Variants in USH2A observed in about 807,000 individuals in gnomAD.
USH2A encodes Usher syndrome 2A (autosomal recessive, mild).
In USH2A, 443 loss-of-function variants were observed where a neutral mutation model predicts 538.9. That is an observed-to-expected ratio of 0.82 (90% CI 0.76 to 0.89). The LOEUF is 0.89. Ranked by LOEUF, USH2A falls within the 40% of genes least tolerant of loss-of-function variation. The pLI is 0.00. For missense variants in USH2A, 6,633 were observed against 6,324.8 expected, an observed-to-expected ratio of 1.05 and a Z score of -1.65; for synonymous variants, 2,413 against 2,273.5, an observed-to-expected ratio of 1.06 and a Z score of -1.75.
At chr1:216,134,501 T>G (rs2033441069) in intron 21 of USH2A, among the ~76,000 whole-genome samples, 2 of 152,078 alleles carry the variant, frequency 1.3e-5, no homozygotes, top group African/African-American at 4.8e-5. Flanking sequence ...ATTAGTTTAA[T>G]CAAACAACTT....
chr1:215,902,547 A>C (rs971654793), intron 38 of USH2A, among the ~76,000 whole-genome samples: 6 of 152,170 alleles, frequency 3.9e-5, no homozygotes, highest in African/African-American at 1.4e-4. Context: ...AAACAAATGA[A>C]TACTGTGTAT....
chr1:216,387,520 T>TG (rs976769534), intron 3 of USH2A, among the ~76,000 whole-genome samples: 1 of 152,230 alleles, frequency 6.6e-6, no homozygotes, highest in African/African-American at 2.4e-5. Flanking sequence ...CTTCAGATGC[T>TG]GAACGTTTTG....
intron 60 of USH2A, among the ~76,000 whole-genome samples, chr1:215,740,381 C>A (rs1660267921): frequency 6.6e-6 from 1 of 152,132 alleles, no homozygotes; most frequent in African/African-American, 2.4e-5. Flanking sequence ...CTCTCTCAAT[C>A]TCTCTTTGTC....
At chr1:216,001,666 CATT>C (rs2102484169) in intron 32 of USH2A, among the ~76,000 whole-genome samples, 1 of 152,198 alleles carries the variant, frequency 6.6e-6, no homozygotes, top group East Asian at 1.9e-4. Context: ...TCTTAAATCT[CATT>C]AACCATGAGC....
intron 64 of USH2A, among the ~76,000 whole-genome samples, chr1:215,656,641 C>T (rs186129792): frequency 8.5e-5 from 13 of 152,266 alleles, no homozygotes; most frequent in African/African-American, 3.1e-4. Flanking sequence ...CTGCTTATTA[C>T]AAGAGTTGTA....
At chr1:215,912,040 AT>A (rs1347291239) in intron 38 of USH2A, among the ~76,000 whole-genome samples, 3 of 151,908 alleles carry the variant, frequency 2.0e-5, no homozygotes, top group Non-Finnish European at 4.4e-5. Context: ...TATTTTGCTG[AT>A]TTTTTGATTG....
At chr1:215,688,868 A>T (rs976275648) in intron 61 of USH2A, among the ~76,000 whole-genome samples, 62 of 152,200 alleles carry the variant, frequency 4.1e-4, no homozygotes, top group Admixed American at 7.2e-4. Flanking sequence ...TCCATTTCAT[A>T]ACATGGGTCA....
rs1198929869 is a variant in USH2A at position 215,803,759 on chromosome 1, T to C, written c.9740-4634A>G. 2.6e-5 allele frequency among the ~76,000 whole-genome samples: 4 copies of C among 152,158 alleles called. No individual in the cohort carries two copies. The South Asian group carries it at 8.3e-4, about 32-fold the overall frequency. On this transcript the variant is annotated intron_variant, in intron 49 of 71. Coordinates refer to ENST00000307340, the MANE Select transcript of USH2A (RefSeq NM_206933.4). Reference sequence around the variant, plus strand: ...ATCCCCATCAAGCTACCAATGACTTTCTTCACAGAATTGGAAAAAACTACT... The same window carrying C: ...ATCCCCATCAAGCTACCAATGACTTCCTTCACAGAATTGGAAAAAACTACT...
At chr1:216,339,281 TATATATGA>T (rs2038031225) in intron 4 of USH2A, among the ~76,000 whole-genome samples, 2 of 151,588 alleles carry the variant, frequency 1.3e-5, no homozygotes, top group African/African-American at 4.8e-5. Flanking sequence ...TGTGCATATA[TATATATGA>T]GCACTTACAT....
chr1:215,943,122 C>A (rs1666676564), intron 37 of USH2A, among the ~76,000 whole-genome samples: 1 of 152,084 alleles, frequency 6.6e-6, no homozygotes, highest in Non-Finnish European at 1.5e-5. Flanking sequence ...AGTGCAAAAT[C>A]TGGACAGAGC....
At chr1:216,089,179 A>G (rs760922072) in intron 22 of USH2A, 40 bp from the exon 23 acceptor site, 3 of 1,590,098 alleles carry the variant, frequency 1.9e-6, no homozygotes, top group Non-Finnish European at 1.7e-6. Flanking sequence ...TTATACATGC[A>G]TATCTACAAA....
At chr1:215,699,697 C>T (rs1331843567) in intron 61 of USH2A, among the ~76,000 whole-genome samples, 2 of 152,146 alleles carry the variant, frequency 1.3e-5, no homozygotes, top group East Asian at 1.9e-4. Context: ...CAGCTTAAGG[C>T]ATTTTTGGGC....
intron 60 of USH2A, among the ~76,000 whole-genome samples, chr1:215,738,437 T>C (rs1018291440): frequency 1.3e-5 from 2 of 152,140 alleles, no homozygotes; most frequent in Admixed American, 1.3e-4. Flanking sequence ...ATCATATTAA[T>C]AGTTTGTTCT....
chr1:216,050,408 G>A (rs565673178), intron 30 of USH2A, among the ~76,000 whole-genome samples: 2 of 151,982 alleles, frequency 1.3e-5, no homozygotes, highest in East Asian at 3.9e-4. Context: ...ACCTCAAAGG[G>A]TTAGTATTAA....
chr1:215,941,489 A>T (rs1266719041), intron 37 of USH2A, among the ~76,000 whole-genome samples: 2 of 152,126 alleles, frequency 1.3e-5, no homozygotes, highest in African/African-American at 4.8e-5. Flanking sequence ...TTCCAGCTGA[A>T]CAAACTGATG....
intron 11 of USH2A, among the ~76,000 whole-genome samples, chr1:216,273,127 C>T (rs916209084): frequency 6.6e-6 from 1 of 152,110 alleles, no homozygotes; most frequent in African/African-American, 2.4e-5. Flanking sequence ...ACCTGCATGG[C>T]ATTAGCCCCT....
intron 3 of USH2A, among the ~76,000 whole-genome samples, chr1:216,400,375 T>C (rs1176251152): frequency 2.0e-5 from 3 of 150,770 alleles, no homozygotes; most frequent in African/African-American, 7.3e-5. Flanking sequence ...TTACCTAATT[T>C]GAACAAATAA....
intron 40 of USH2A, among the ~76,000 whole-genome samples, chr1:215,894,985 C>A (rs1409870982): frequency 6.6e-6 from 1 of 152,164 alleles, no homozygotes; most frequent in Non-Finnish European, 1.5e-5. Context: ...CTTTCCTGGC[C>A]CTCATGTTGA....
intron 14 of USH2A, among the ~76,000 whole-genome samples, chr1:216,229,130 C>T (rs1392395887): frequency 2.0e-5 from 3 of 151,912 alleles, no homozygotes; most frequent in African/African-American, 7.2e-5. Context: ...GCCGAGATCA[C>T]GCCACTGCAC....
Sources: allele counts gnomAD v4.1 joint callset (sites outside exome capture counted in the v4.1 genomes callset), GRCh38; gene constraint gnomAD v4.1.1; transcripts MANE v1.5; gene names NCBI Gene and HGNC (gene_info 2026-07-23, HGNC 2026-07-21).